Variants in DOCK9 observed in about 807,000 individuals in gnomAD.
The protein encoded by DOCK9 is dedicator of cytokinesis 9.
In DOCK9, 89 loss-of-function variants were observed where a neutral mutation model predicts 263.3. The observed-to-expected ratio is 0.34, with a 90% CI of 0.28 to 0.40. The LOEUF is 0.40. Among genes scored for constraint, DOCK9 ranks in the 10% least tolerant of loss-of-function variants. The probability of loss-of-function intolerance (pLI) is 1.00; values close to 1 mark genes in which losing one functional copy is unlikely to be tolerated. For synonymous variants in DOCK9, 976 were observed against 973.1 expected, an observed-to-expected ratio of 1.00 and a Z score of -0.06; for missense variants, 2,140 against 2,603.4, an observed-to-expected ratio of 0.82 and a Z score of 3.87.
rs777178791 is a variant in DOCK9 at position 98,860,503 on chromosome 13, A to G, written c.3599T>C (p.Leu1200Pro). 1.0e-5 allele frequency: 16 copies of G among 1,573,038 alleles called. No homozygotes were observed. The South Asian group carries it at 1.9e-4, about 18-fold the overall frequency. ...NAGMTVKDES[L>P]ALPAVNPLVT... is the part of the protein sequence containing the mutation. ...CAGCGGATTCACAGCTGGTAGAGCCAGGGATTCATCCTTCACAGTCTGTCA... is the reference window on the plus strand; with the variant it reads ...CAGCGGATTCACAGCTGGTAGAGCCGGGGATTCATCCTTCACAGTCTGTCA... The change falls in exon 33 of 53, where the codon CTG becomes CCG. Residue 1200 changes from leucine (L) to proline (P), a missense_variant. Coordinates refer to ENST00000682017, the MANE Select transcript of DOCK9 (RefSeq NM_001366683.2).
chr13:99,004,516 A>T (rs34455188), intron 1 of DOCK9, among the ~76,000 whole-genome samples: 7,358 of 152,226 alleles, frequency 0.048, 237 homozygotes, highest in Middle Eastern at 0.11. Flanking sequence ...AAACAGTCTC[A>T]CTCCACAGAC....
intron 27 of DOCK9, among the ~76,000 whole-genome samples, chr13:98,870,776 G>C (rs891552458): frequency 6.6e-6 from 1 of 151,938 alleles, no homozygotes; most frequent in South Asian, 2.1e-4. Flanking sequence ...CCAACCACAA[G>C]TTCACAGGGA....
chr13:99,030,469 G>A (rs1887218185), intron 1 of DOCK9, among the ~76,000 whole-genome samples: 1 of 152,168 alleles, frequency 6.6e-6, no homozygotes, highest in Non-Finnish European at 1.5e-5. Flanking sequence ...TTTGGTAAGA[G>A]ACATTAAAGA....
In DOCK9 at chr13:98,923,830, T is replaced by G. The variant is rs187293123; in HGVS notation, c.417-459A>C. On this transcript the variant is annotated intron_variant, in intron 4 of 52. Transcript: ENST00000682017. ...GTATGACGTGCTAGGCCCTGCGCAC[T>G]TCTCATGTGCCCTCTCATTTAATCC... Among the ~76,000 whole-genome samples, 10 of 152,350 alleles carry G rather than the reference T, an allele frequency of 6.6e-5. No homozygotes were observed. The East Asian group carries it at 1.2e-3, about 18-fold the overall frequency.
At chr13:98,934,187 G>A (rs1048018199) in intron 2 of DOCK9, among the ~76,000 whole-genome samples, 3 of 152,172 alleles carry the variant, frequency 2.0e-5, no homozygotes, top group Admixed American at 1.3e-4. Context: ...TTATAGGCAT[G>A]AGCCATTGCA....
chr13:99,073,291 CTCTCAT>C (rs1380499354), intron 1 of DOCK9, among the ~76,000 whole-genome samples: 1 of 151,774 alleles, frequency 6.6e-6, no homozygotes. Flanking sequence ...CTAAGGAATT[CTCTCAT>C]TCTCATTCAT....
chr13:98,882,787 G>A (rs2045023474), intron 23 of DOCK9, among the ~76,000 whole-genome samples: 1 of 152,186 alleles, frequency 6.6e-6, no homozygotes, highest in South Asian at 2.1e-4. Flanking sequence ...TCAAGTGAGG[G>A]GTTTTCCATG....
intron 1 of DOCK9, among the ~76,000 whole-genome samples, chr13:99,026,867 T>C (rs1886788812): frequency 6.6e-6 from 1 of 152,002 alleles, no homozygotes; most frequent in South Asian, 2.1e-4. Context: ...AACCTAAAGA[T>C]AAACATTACA....
chr13:98,887,872 G>A (rs1594995172), intron 18 of DOCK9, among the ~76,000 whole-genome samples: 1 of 151,996 alleles, frequency 6.6e-6, no homozygotes, highest in Non-Finnish European at 1.5e-5. Flanking sequence ...CCCACAGTAT[G>A]AGCACTTGGC....
chr13:99,071,694 T>C (rs900087808), intron 1 of DOCK9, among the ~76,000 whole-genome samples: 3 of 152,062 alleles, frequency 2.0e-5, no homozygotes, highest in African/African-American at 7.2e-5. Flanking sequence ...CTGAAATACA[T>C]AATTTCTGGC....
chr13:98,983,619 TA>T (rs200600464), intron 1 of DOCK9, among the ~76,000 whole-genome samples: 248 of 139,496 alleles, frequency 1.8e-3, no homozygotes, highest in African/African-American at 5.1e-3. Flanking sequence ...TTATTATTAT[TA>T]TTATTTTTTT....
intron 37 of DOCK9, among the ~76,000 whole-genome samples, 178 bp from the exon 38 acceptor site, chr13:98,846,238 C>G (rs528922601): frequency 6.2e-4 from 94 of 152,270 alleles, no homozygotes; most frequent in African/African-American, 2.2e-3. Flanking sequence ...CACGGCAAAG[C>G]ACCTGATGAT....
chr13:98,968,139 T>C (rs2059383320), intron 1 of DOCK9, among the ~76,000 whole-genome samples: 1 of 152,214 alleles, frequency 6.6e-6, no homozygotes, highest in Non-Finnish European at 1.5e-5. Flanking sequence ...CGATTCTAAA[T>C]TCAGATGTGC....
chr13:98,836,289 T>C (rs182226949), intron 39 of DOCK9, among the ~76,000 whole-genome samples: 116 of 152,298 alleles, frequency 7.6e-4, no homozygotes, highest in Non-Finnish European at 1.5e-3. Flanking sequence ...TGATTCATGT[T>C]TGAGACTGAT....
chr13:98,799,989 G>A (rs1382285534), intron 50 of DOCK9, among the ~76,000 whole-genome samples: 1 of 152,088 alleles, frequency 6.6e-6, no homozygotes, highest in Admixed American at 6.5e-5. Context: ...TTTGTATTTA[G>A]AAGAGTCTTG....
chr13:98,804,787 G>A (rs538246717), intron 49 of DOCK9, among the ~76,000 whole-genome samples: 1 of 152,322 alleles, frequency 6.6e-6, no homozygotes, highest in African/African-American at 2.4e-5. Flanking sequence ...ATGAGCTTCT[G>A]GTCTTGTGGA....
At chr13:98,938,760 C>A (rs1369810792) in intron 2 of DOCK9, among the ~76,000 whole-genome samples, 1 of 152,030 alleles carries the variant, frequency 6.6e-6, no homozygotes, top group Non-Finnish European at 1.5e-5. Context: ...ACAAAACAGC[C>A]CTCTTAATTC....
intron 2 of DOCK9, among the ~76,000 whole-genome samples, chr13:98,943,189 GGA>G (rs1294853329): frequency 6.6e-6 from 1 of 152,196 alleles, no homozygotes; most frequent in Non-Finnish European, 1.5e-5. Context: ...CAAACACAGC[GGA>G]GAGTCAGCTT....
At chr13:98,927,854 C>T (rs1162125158) in intron 3 of DOCK9, among the ~76,000 whole-genome samples, 3 of 151,872 alleles carry the variant, frequency 2.0e-5, no homozygotes, top group African/African-American at 7.3e-5. Flanking sequence ...CTCCTGACCT[C>T]GTGATCCACC....
Sources: allele counts gnomAD v4.1 joint callset (sites outside exome capture counted in the v4.1 genomes callset), GRCh38; gene constraint gnomAD v4.1.1; transcripts MANE v1.5; gene names NCBI Gene and HGNC (gene_info 2026-07-23, HGNC 2026-07-21).